The following SACS variants were observed in gnomAD, a reference collection of about 807,000 sequenced individuals.
SACS encodes sacsin.
SACS carries 197 observed loss-of-function variants against 348.0 expected under a neutral mutation model. The observed-to-expected ratio is 0.57, with a 90% CI of 0.50 to 0.64. SACS has a LOEUF of 0.64. Ranked by LOEUF, SACS falls within the 30% of genes least tolerant of loss-of-function variation. The pLI is 0.00. For synonymous variants in SACS, 1,985 were observed against 1,910.6 expected (o/e 1.04, Z -1.02); for missense variants, 4,999 against 5,360.8 (o/e 0.93, Z 2.11).
chr13:23,383,969 C>T (rs2137874874), intron 2 of SACS, among the ~76,000 whole-genome samples: 1 of 152,302 alleles, frequency 6.6e-6, no homozygotes, highest in South Asian at 2.1e-4. Flanking sequence ...TAAGAAGGGT[C>T]ATCGCAAGGT....
chr13:23,339,457 TG>T lies in SACS; in HGVS notation c.4418del (p.Ser1473Ter). ...RIKNILEEYPSVSDIFKELLQ... is the reference protein window; with the variant it reads ...RIKNILEEYPXVSDIFKELLQ... ...GTAGTTCTTTAAAAATATCTGACAC[TG>T]AAGGGTATTCTTCCAGAATATTTTT... On this transcript the variant is annotated frameshift_variant, in exon 10 of 10. Transcript: ENST00000382292. LOFTEE classifies it high-confidence loss of function. 1.2e-6 allele frequency: 2 copies of T among 1,605,858 alleles called. No homozygotes were observed. Among genetic ancestry groups the T allele is most frequent in the Non-Finnish European group, 1.7e-6 (2 of 1,176,070 alleles).
chr13:23,339,908 G>A lies in SACS; in HGVS notation c.3968C>T (p.Ser1323Leu), dbSNP rs1008146914. 13 of 1,613,830 alleles carry A rather than the reference G, an allele frequency of 8.1e-6. No individual in the cohort carries two copies. The highest frequency in any genetic ancestry group is 7.6e-6 in the Non-Finnish European group (9 of 1,179,966). ...ATGATCTGATGTCAACTCCTCTATT[G>A]AACCACAGACCTTAAATAGTTGGTG... ...KFHQLFKVCG[S>L]IEELTSDHIS... is the part of the protein sequence containing the mutation. The change falls in exon 10 of 10, where the codon TCA becomes TTA. Residue 1323 changes from serine to leucine, a missense_variant. Transcript: ENST00000382292.
chr13:23,382,776 G>A (rs902949469), intron 2 of SACS, among the ~76,000 whole-genome samples: 19 of 148,836 alleles, frequency 1.3e-4, no homozygotes, highest in Non-Finnish European at 2.7e-4. Context: ...TTTTGTGTGT[G>A]TGTGTGGTTT....
At chr13:23,344,021 A>C (rs1233266460) in intron 9 of SACS, among the ~76,000 whole-genome samples, 1 of 152,220 alleles carries the variant, frequency 6.6e-6, no homozygotes, top group Non-Finnish European at 1.5e-5. Flanking sequence ...AAGAAATTAC[A>C]AAATTTTGTC....
In SACS at chr13:23,368,362, T is replaced by C. The variant is rs375720114; in HGVS notation, c.345+40A>G. 126 of 1,429,094 alleles carry C rather than the reference T, an allele frequency of 8.8e-5. No homozygotes were observed. In the African/African-American group the frequency reaches 1.7e-3, roughly 19 times the overall value. The allele number at this position is 1,429,094 out of a possible 1,614,324, so 88.5% of individuals were successfully genotyped here. A position where few individuals can be genotyped will look rare whatever the true frequency, so the allele number is the denominator to read the frequency against. ...AAGTAAATTTACTTCATCTCATTTT[T>C]ATCAAAGTAAATAACACATGAACAC... On this transcript the variant is annotated intron_variant, in intron 5 of 9. Coordinates refer to ENST00000382292, the MANE Select transcript of SACS (RefSeq NM_014363.6).
intron 1 of SACS, among the ~76,000 whole-genome samples, chr13:23,412,622 C>G (rs1873539724): frequency 6.6e-6 from 1 of 152,044 alleles, no homozygotes; most frequent in African/African-American, 2.4e-5. Context: ...CCCTGTTGGC[C>G]AGGCTGGTCT....
chr13:23,362,167 C>CA (rs1457893579), intron 6 of SACS, among the ~76,000 whole-genome samples: 1 of 152,146 alleles, frequency 6.6e-6, no homozygotes, highest in Non-Finnish European at 1.5e-5. Flanking sequence ...GGTCTGTGTG[C>CA]ATCACTCAGA....
intron 1 of SACS, among the ~76,000 whole-genome samples, chr13:23,417,485 A>G (rs1227216463): frequency 6.6e-6 from 1 of 152,180 alleles, no homozygotes; most frequent in Admixed American, 6.5e-5. Flanking sequence ...ATTAATGAGA[A>G]CCTGATACAT....
chr13:23,409,782 TATATA>T (rs1873409963), intron 2 of SACS, among the ~76,000 whole-genome samples: 1 of 152,234 alleles, frequency 6.6e-6, no homozygotes, highest in South Asian at 2.1e-4. Flanking sequence ...ACGTAAAGCC[TATATA>T]ATGTAAATCT....
chr13:23,406,596 A>C (rs1447639999), intron 2 of SACS, among the ~76,000 whole-genome samples: 1 of 152,208 alleles, frequency 6.6e-6, no homozygotes, highest in Non-Finnish European at 1.5e-5. Flanking sequence ...ATTCCACATA[A>C]AACACTTCTC....
rs769014838 is a variant in SACS, at chr13:23,334,392, C to T, written c.9484G>A (p.Val3162Ile). ...CGTTTTGCATCAAAAGTTTGCAAAA[C>T]ACTGTCCAGTGTGATGAGAAGGGGC... ...GLPLLITLDSVLQTFDAKRPK... is the reference protein window; with the variant it reads ...GLPLLITLDSILQTFDAKRPK... Residue 3162 changes from valine to isoleucine, a missense_variant, in exon 10 of 10, where the codon GTT (valine) becomes ATT (isoleucine). By Grantham distance (29) the Val-to-Ile change is conservative. Around this residue, in one of 6 missense-constraint regions of SACS, gnomAD observed 734 missense variants for 694.0 expected, o/e 1.06. Coordinates refer to ENST00000382292, the MANE Select transcript of SACS (RefSeq NM_014363.6). The T allele has an allele frequency of 1.2e-6, 2 of 1,613,320 alleles. No homozygotes were observed. Among genetic ancestry groups the T allele is most frequent in the East Asian group, 4.5e-5 (2 of 44,864 alleles).
At chr13:23,401,030 G>C (rs903724037) in intron 2 of SACS, among the ~76,000 whole-genome samples, 3 of 151,912 alleles carry the variant, frequency 2.0e-5, no homozygotes, top group African/African-American at 7.3e-5. Context: ...CATTCAAATG[G>C]GTAAATATTA....
chr13:23,334,432 A>T lies in SACS; in HGVS notation c.9444T>A (p.Ile3148=). Residue 3148 remains isoleucine, a synonymous_variant, in exon 10 of 10, where the codon ATT becomes ATA. Coordinates refer to ENST00000382292, the MANE Select transcript of SACS (RefSeq NM_014363.6). The stretch of plus-strand genomic sequence containing the variant: ...TGAGAAGGGGCAATCCCTCAACTTC[A>T]ATCTCATTTTCTTCTGCATCTTTAA... ...YCFKDAEENE[I]EVEGLPLLIT... is the part of the protein sequence containing the mutation. The T allele has an allele frequency of 6.2e-7, 1 of 1,612,782 alleles. No homozygotes were observed. The highest frequency in any genetic ancestry group is 8.5e-7 in the Non-Finnish European group (1 of 1,179,766).
chr13:23,363,553 A>G (rs968190774), intron 6 of SACS, among the ~76,000 whole-genome samples: 2 of 152,192 alleles, frequency 1.3e-5, no homozygotes, highest in Non-Finnish European at 2.9e-5. Context: ...GGCCACTTTT[A>G]AAGAGCCTAT....
intron 1 of SACS, among the ~76,000 whole-genome samples, chr13:23,424,486 C>T (rs1443985092): frequency 1.3e-5 from 2 of 151,336 alleles, no homozygotes; most frequent in African/African-American, 4.9e-5. Context: ...GATCACGCCA[C>T]TGCCCTCCAG....
In SACS at chr13:23,337,685, T is replaced by C. The variant is rs894793329; in HGVS notation, c.6191A>G (p.Asn2064Ser). 3 of 1,612,752 alleles carry C rather than the reference T, an allele frequency of 1.9e-6. No individual in the cohort carries two copies. Among genetic ancestry groups the C allele is most frequent in the Non-Finnish European group, 2.5e-6 (3 of 1,179,698 alleles). ...KQFFSEVFFP[N>S]IQEIEAELRD... The stretch of plus-strand genomic sequence containing the variant: ...AAGTTCTGCTTCAATTTCTTGAATA[T>C]TTGGAAAAAACACTTCAGAAAAAAA... The change falls in exon 10 of 10, where the codon AAT (asparagine) becomes AGT (serine). Residue 2064 changes from asparagine to serine, a missense_variant. Physicochemically the swap from Asn to Ser is conservative, Grantham distance 46. Transcript: ENST00000382292.
chr13:23,331,313 G>A lies in SACS; in HGVS notation c.12563C>T (p.Ala4188Val). ...TGATCCATAGATATCACCACCTTCA[G>A]CATCAACAAGGTACCCAACATATTC... ...PGEYVGYLVD[A>V]EGGDIYGSYQ... Residue 4188 changes from alanine (A) to valine (V), a missense_variant, in exon 10 of 10, where the codon GCT becomes GTT. Around this residue, in one of 6 missense-constraint regions of SACS, gnomAD observed 831 missense variants for 941.8 expected, o/e 0.88. Coordinates refer to ENST00000382292, the MANE Select transcript of SACS (RefSeq NM_014363.6). The A allele has an allele frequency of 6.2e-7, 1 of 1,613,816 alleles. No homozygotes were observed. Among genetic ancestry groups the A allele is most frequent in the Non-Finnish European group, 8.5e-7 (1 of 1,179,912 alleles).
At chr13:23,375,454 G>A in intron 2 of SACS, 185 bp from the exon 3 acceptor site, 5 of 1,176,970 alleles carry the variant, frequency 4.2e-6, no homozygotes, top group Non-Finnish European at 5.2e-6. Context: ...GCGCGGGCCG[G>A]GAGGGCGGGA....
chr13:23,372,032 T>C (rs1871422218), intron 3 of SACS, among the ~76,000 whole-genome samples: 1 of 152,248 alleles, frequency 6.6e-6, no homozygotes. Flanking sequence ...TACAGTTTAG[T>C]TAATTCATTT....
Sources: gnomAD v4.1 joint callset for allele counts (sites outside exome capture counted in the v4.1 genomes callset) on GRCh38, gnomAD v4.1.1 for gene constraint, gnomAD v4.1.1 regional missense constraint, MANE v1.5 for transcripts, NCBI Gene and HGNC (gene_info 2026-07-23, HGNC 2026-07-21) for gene names.